METTL6: variants seen among roughly 807,000 people sequenced by gnomAD.
METTL6 encodes the protein methyltransferase 6, tRNA N3-cytidine.
A neutral mutation model predicts 26.4 loss-of-function variants in METTL6; 22 were observed. The observed-to-expected ratio is 0.83, with a 90% CI of 0.59 to 1.19. The LOEUF is 1.19. METTL6 is among the 50% of genes most tolerant of loss of function. The probability of loss-of-function intolerance (pLI) is 0.00; values close to 1 mark genes in which losing one functional copy is unlikely to be tolerated. For synonymous variants in METTL6, 109 were observed against 116.2 expected (o/e 0.94, Z 0.40); for missense variants, 304 against 324.8 (o/e 0.94, Z 0.49).
At chr3:15,407,746 G>C (rs575197688), downstream of METTL6, among the ~76,000 whole-genome samples, 1 of 152,250 alleles carries the variant, frequency 6.6e-6, no homozygotes, top group Admixed American at 6.5e-5. Flanking sequence ...CTAGTCCTTT[G>C]GGGGTTATAT....
chr3:15,393,495 T>C (rs1268137989), intron 6 of METTL6, among the ~76,000 whole-genome samples: 1 of 152,224 alleles, frequency 6.6e-6, no homozygotes, highest in Non-Finnish European at 1.5e-5. Flanking sequence ...TATTTCTTTC[T>C]CCTGCCTGAT....
rs1699904099 is a variant in METTL6, at chr3:15,409,971, G to A, written c.*1285C>T. 6.6e-6 allele frequency among the ~76,000 whole-genome samples: 1 copy of A among 152,130 alleles called. No individual in the cohort carries two copies. ...CCCATGGTTGTCTGACATGTTGCCTGGGGGAACACTTACAGTCACATGAGT... is the reference window on the plus strand; with the variant it reads ...CCCATGGTTGTCTGACATGTTGCCTAGGGGAACACTTACAGTCACATGAGT... On this transcript the variant is annotated 3_prime_UTR_variant, in exon 6 of 6. Transcript: ENST00000383790.
chr3:15,387,285 C>T (rs1484271820), intron 6 of METTL6, among the ~76,000 whole-genome samples: 2 of 152,214 alleles, frequency 1.3e-5, no homozygotes, highest in African/African-American at 4.8e-5. Flanking sequence ...ACATAATGAA[C>T]AGTGAGGATG....
chr3:15,426,439 C>T lies in METTL6; in HGVS notation c.73G>A (p.Asp25Asn), dbSNP rs377494656. The T allele has an allele frequency of 3.7e-6, 6 of 1,614,106 alleles. No homozygotes were observed. In the African/African-American group the frequency reaches 8.0e-5, roughly 22 times the overall value. The change falls in exon 2 of 6, where the codon GAC becomes AAC. Residue 25 changes from aspartate to asparagine, a missense_variant. Coordinates refer to ENST00000383790, the MANE Select transcript of METTL6 (RefSeq NM_152396.4). ...TTAAAATCAGACACCAAAGTTTGGT[C>T]TCTTTTCAGTTTCTCCTCTTCTTCA... ...TSEEEEKLKR[D>N]QTLVSDFKQQ...
intron 6 of METTL6, among the ~76,000 whole-genome samples, chr3:15,395,617 T>A (rs1309929010): frequency 1.3e-5 from 2 of 152,262 alleles, no homozygotes; most frequent in Admixed American, 6.5e-5. Flanking sequence ...CAATTTGGCA[T>A]GTTTTTGCAG....
intron 3 of METTL6, among the ~76,000 whole-genome samples, chr3:15,421,620 A>T (rs2061612969): frequency 6.6e-6 from 1 of 152,096 alleles, no homozygotes; most frequent in South Asian, 2.1e-4. Flanking sequence ...CTGGCTAATT[A>T]AAAAAATCTT....
At chr3:15,414,961 T>A (rs1421192850) in intron 4 of METTL6, 1 of 1,117,514 alleles carries the variant, frequency 8.9e-7, no homozygotes, top group East Asian at 8.6e-5. Flanking sequence ...TAAATGAAAG[T>A]GTTATCCTCA....
intron 3 of METTL6, among the ~76,000 whole-genome samples, chr3:15,417,854 G>C (rs1272733595): frequency 6.6e-6 from 1 of 152,126 alleles, no homozygotes; most frequent in Admixed American, 6.6e-5. Context: ...GAACATTAGA[G>C]AACGACCCCC....
At chr3:15,390,244 A>G (rs542136774) in intron 6 of METTL6, among the ~76,000 whole-genome samples, 41 of 152,096 alleles carry the variant, frequency 2.7e-4, no homozygotes, top group African/African-American at 9.4e-4. Flanking sequence ...CCTCGCCAAC[A>G]TGGTGAAACC....
intron 6 of METTL6, among the ~76,000 whole-genome samples, chr3:15,400,456 T>A (rs1039012910): frequency 5.3e-5 from 8 of 152,200 alleles, no homozygotes; most frequent in African/African-American, 1.9e-4. Context: ...AGACAAATTA[T>A]TGAACTTTCA....
At chr3:15,407,990 T>C (rs1402180530), downstream of METTL6, among the ~76,000 whole-genome samples, 1 of 152,194 alleles carries the variant, frequency 6.6e-6, no homozygotes. Context: ...TATCCTTAAG[T>C]GTATAAGACC....
intron 6 of METTL6, among the ~76,000 whole-genome samples, chr3:15,389,063 C>T (rs898736847): frequency 6.6e-6 from 1 of 151,918 alleles, no homozygotes; most frequent in African/African-American, 2.4e-5. Context: ...ACGGTGTTGC[C>T]CAGGCTTGTC....
chr3:15,406,144 A>T (rs1699777792), downstream of METTL6, among the ~76,000 whole-genome samples: 1 of 152,040 alleles, frequency 6.6e-6, no homozygotes, highest in Non-Finnish European at 1.5e-5. Context: ...TTTTTATAGT[A>T]CTGTTAGCCA....
At chr3:15,417,863 C>G (rs567291500) in intron 3 of METTL6, among the ~76,000 whole-genome samples, 1 of 152,254 alleles carries the variant, frequency 6.6e-6, no homozygotes, top group Admixed American at 6.5e-5. Context: ...AGAACGACCC[C>G]CTCTCCCACA....
chr3:15,394,089 A>T (rs1426297926), intron 6 of METTL6, among the ~76,000 whole-genome samples: 64 of 151,744 alleles, frequency 4.2e-4, no homozygotes, highest in African/African-American at 1.4e-3. Context: ...CTCCTCCTTG[A>T]ACCTCTGGTA....
chr3:15,410,730 A>G lies in METTL6; in HGVS notation c.*526T>C, dbSNP rs1199608773. Among the ~76,000 whole-genome samples, 1 of 152,164 alleles carries G rather than the reference A, an allele frequency of 6.6e-6. No homozygotes were observed. The highest frequency in any genetic ancestry group is 1.5e-5 in the Non-Finnish European group (1 of 68,026). On this transcript the variant is annotated 3_prime_UTR_variant, in exon 6 of 6. Transcript: ENST00000383790. ...CATTAAAAAAAATTAAGGGCCAGGCATGGTGGCTTACACCTGTAGTCCTAG... is the reference window on the plus strand; with the variant it reads ...CATTAAAAAAAATTAAGGGCCAGGCGTGGTGGCTTACACCTGTAGTCCTAG...
At chr3:15,404,666 T>C (rs551978808) in intron 6 of METTL6, among the ~76,000 whole-genome samples, 1 of 152,172 alleles carries the variant, frequency 6.6e-6, no homozygotes, top group African/African-American at 2.4e-5. Flanking sequence ...TTTTAAATTT[T>C]TATTTATTTA....
intron 6 of METTL6, among the ~76,000 whole-genome samples, chr3:15,399,898 C>T (rs1699594066): frequency 6.6e-6 from 1 of 151,998 alleles, no homozygotes; most frequent in Non-Finnish European, 1.5e-5. Flanking sequence ...TTCCAAGAAA[C>T]TAAAGACACA....
At chr3:15,426,257 C>T in intron 2 of METTL6, 30 bp downstream of exon 2, 1 of 1,596,982 alleles carries the variant, frequency 6.3e-7, no homozygotes, top group Non-Finnish European at 8.6e-7. Context: ...AAATGAAGAA[C>T]AGCTCAGATA....
Sources: gnomAD v4.1 joint callset for allele counts (sites outside exome capture counted in the v4.1 genomes callset) on GRCh38, gnomAD v4.1.1 for gene constraint, MANE v1.5 for transcripts, NCBI Gene and HGNC (gene_info 2026-07-23, HGNC 2026-07-21) for gene names.